Variants in FAM81B observed in about 807,000 individuals in gnomAD.
FAM81B encodes protein FAM81B.
A neutral mutation model predicts 58.7 loss-of-function variants in FAM81B; 60 were observed. The observed-to-expected ratio is 1.02, with a 90% CI of 0.83 to 1.27. The LOEUF (loss-of-function observed/expected upper bound fraction) is 1.27. Among genes scored for constraint, FAM81B ranks in the 50% most tolerant of loss-of-function variants. The probability of loss-of-function intolerance (pLI) is 0.00; values close to 1 mark genes in which losing one functional copy is unlikely to be tolerated. For synonymous variants in FAM81B, 189 were observed against 179.6 expected (o/e 1.05, Z -0.42); for missense variants, 491 against 522.0 (o/e 0.94, Z 0.58).
intron 5 of FAM81B, among the ~76,000 whole-genome samples, chr5:95,421,170 G>A (rs1455949078): frequency 1.3e-5 from 2 of 152,124 alleles, no homozygotes; most frequent in Admixed American, 6.5e-5. Context: ...TCAGCAACAT[G>A]GTCTCCTTTC....
rs201646791 is a variant in FAM81B at position 95,392,861 on chromosome 5, C to A, written c.192C>A (p.Gly64=). 2 of 1,611,848 alleles carry A rather than the reference C, an allele frequency of 1.2e-6. No homozygotes were observed. The highest frequency in any genetic ancestry group is 2.7e-5 in the African/African-American group (2 of 74,942). The part of the protein sequence containing the change: ...TAEEQPVEPD[G]PLPGSDNNQE... ...AGGAACAGCCAGTTGAACCTGATGG[C>A]CCCCTTCCTGGCTCAGACAATAACC... is the stretch of plus-strand genomic sequence containing the variant. The change falls in exon 2 of 10, where the codon GGC becomes GGA. Residue 64 remains glycine, a synonymous_variant. Coordinates refer to ENST00000283357, the MANE Select transcript of FAM81B (RefSeq NM_152548.3).
intron 3 of FAM81B, among the ~76,000 whole-genome samples, chr5:95,400,364 G>T (rs1448781554): frequency 6.6e-6 from 1 of 151,808 alleles, no homozygotes; most frequent in African/African-American, 2.4e-5. Context: ...TCTTTACATG[G>T]TATCTCCCTG....
At chr5:95,400,068 T>C (rs1194167005) in intron 3 of FAM81B, among the ~76,000 whole-genome samples, 4 of 152,186 alleles carry the variant, frequency 2.6e-5, no homozygotes, top group East Asian at 1.9e-4. Context: ...AAATGATACA[T>C]TGACTATAAG....
At chr5:95,423,680 T>C (rs1462357805) in intron 5 of FAM81B, among the ~76,000 whole-genome samples, 1 of 152,172 alleles carries the variant, frequency 6.6e-6, no homozygotes, top group Non-Finnish European at 1.5e-5. Context: ...AAACCTCTTA[T>C]TCCACTCCTC....
chr5:95,428,506 T>C (rs1561306670), intron 5 of FAM81B, 97 bp from the exon 6 acceptor site: 1 of 1,444,586 alleles, frequency 6.9e-7, no homozygotes, highest in East Asian at 2.3e-5. Flanking sequence ...CAAATGACTT[T>C]AGAACTTTGG....
At chr5:95,410,221 A>G (rs576425569) in intron 3 of FAM81B, among the ~76,000 whole-genome samples, 2 of 152,314 alleles carry the variant, frequency 1.3e-5, no homozygotes, top group African/African-American at 4.8e-5. Flanking sequence ...TCAAGGTGGA[A>G]CAACAACCTT....
At chr5:95,429,613 C>A (rs1275830560) in intron 6 of FAM81B, among the ~76,000 whole-genome samples, 1 of 152,136 alleles carries the variant, frequency 6.6e-6, no homozygotes, top group African/African-American at 2.4e-5. Flanking sequence ...TCTTATTAGG[C>A]CCAATAATTT....
chr5:95,402,009 C>T (rs1270491537), intron 3 of FAM81B, among the ~76,000 whole-genome samples: 1 of 152,214 alleles, frequency 6.6e-6, no homozygotes, highest in Non-Finnish European at 1.5e-5. Flanking sequence ...TGGTTGGTGA[C>T]TCCATCTGCA....
chr5:95,446,198 GA>G (rs2152770880), intron 7 of FAM81B, among the ~76,000 whole-genome samples: 1 of 152,204 alleles, frequency 6.6e-6, no homozygotes, highest in African/African-American at 2.4e-5. Context: ...CACCACAAGG[GA>G]ACTTATCAAA....
At chr5:95,432,797 G>A (rs1744955744) in intron 6 of FAM81B, among the ~76,000 whole-genome samples, 1 of 151,866 alleles carries the variant, frequency 6.6e-6, no homozygotes, top group Non-Finnish European at 1.5e-5. Context: ...TAGGTTAGGT[G>A]TGCCTTAACA....
At chr5:95,413,132 A>G (rs1762446754) in intron 3 of FAM81B, among the ~76,000 whole-genome samples, 1 of 152,224 alleles carries the variant, frequency 6.6e-6, no homozygotes, top group Admixed American at 6.5e-5. Flanking sequence ...GAAGTCATAC[A>G]TGATTGAATC....
At chr5:95,447,962 G>A (rs1745646936) in intron 8 of FAM81B, among the ~76,000 whole-genome samples, 1 of 152,196 alleles carries the variant, frequency 6.6e-6, no homozygotes, top group Non-Finnish European at 1.5e-5. Flanking sequence ...GTATGTCCAA[G>A]AAACTCAGGA....
chr5:95,437,636 C>CT lies in FAM81B; in HGVS notation c.893+731dup, dbSNP rs1745158739. 2.0e-5 allele frequency among the ~76,000 whole-genome samples: 3 copies of CT among 152,222 alleles called. No individual in the cohort carries two copies. The South Asian group carries it at 6.2e-4, about 32-fold the overall frequency. ...ACAGGCGTGAGCCACTGTGTCCGGC[C>CT]TACATTATTTCTTTTTAAGACTGGT... On this transcript the variant is annotated intron_variant, in intron 7 of 9. Coordinates refer to ENST00000283357, the MANE Select transcript of FAM81B (RefSeq NM_152548.3).
intron 7 of FAM81B, among the ~76,000 whole-genome samples, chr5:95,438,796 A>C (rs959222106): frequency 2.0e-5 from 3 of 151,300 alleles, no homozygotes; most frequent in African/African-American, 7.3e-5. Flanking sequence ...AAAAAAAAAA[A>C]AAAAACCAAC....
intron 3 of FAM81B, chr5:95,405,997 ATCTT>A (rs1762233358): frequency 6.5e-6 from 1 of 153,760 alleles, no homozygotes; most frequent in Admixed American, 6.5e-5. Flanking sequence ...GCCCTGCCTA[ATCTT>A]TCTTTAGAGG....
intron 4 of FAM81B, among the ~76,000 whole-genome samples, chr5:95,415,379 T>G (rs1762513459): frequency 6.6e-6 from 1 of 152,228 alleles, no homozygotes; most frequent in African/African-American, 2.4e-5. Flanking sequence ...TGTGAATTTG[T>G]TCTTAAGGGC....
intron 9 of FAM81B, among the ~76,000 whole-genome samples, chr5:95,449,660 G>A (rs1745720972): frequency 6.6e-6 from 1 of 152,192 alleles, no homozygotes; most frequent in African/African-American, 2.4e-5. Context: ...TCTGTGGTCA[G>A]GAGTGACTAG....
At chr5:95,439,645 G>A (rs1745253078) in intron 7 of FAM81B, among the ~76,000 whole-genome samples, 1 of 150,810 alleles carries the variant, frequency 6.6e-6, no homozygotes, top group African/African-American at 2.4e-5. Flanking sequence ...TTTCAATCTG[G>A]TATATTGGAT....
At chr5:95,398,589 G>C (rs1039410221) in intron 3 of FAM81B, among the ~76,000 whole-genome samples, 14 of 152,110 alleles carry the variant, frequency 9.2e-5, no homozygotes, top group African/African-American at 3.4e-4. Flanking sequence ...CAGAGGTTTG[G>C]CCTTAAAACC....
Sources: allele counts gnomAD v4.1 joint callset (sites outside exome capture counted in the v4.1 genomes callset), GRCh38; gene constraint gnomAD v4.1.1; transcripts MANE v1.5; gene names NCBI Gene and HGNC (gene_info 2026-07-23, HGNC 2026-07-21).